Variants in DMC1 observed in about 807,000 individuals in gnomAD.
DMC1 encodes meiotic recombination protein DMC1 homolog.
DMC1 carries 27 observed loss-of-function variants against 50.1 expected under a neutral mutation model. The observed-to-expected ratio is 0.54, with a 90% CI of 0.40 to 0.74. The LOEUF (loss-of-function observed/expected upper bound fraction) is 0.74. Ranked by LOEUF, DMC1 falls within the 30% of genes least tolerant of loss-of-function variation. The probability of loss-of-function intolerance (pLI) is 0.00; values close to 1 mark genes in which losing one functional copy is unlikely to be tolerated. For synonymous variants in DMC1, 148 were observed against 136.1 expected (o/e 1.09, Z -0.61); for missense variants, 295 against 420.2 (o/e 0.70, Z 2.60).
At chr22:38,546,337 C>T (rs1426124794) in intron 8 of DMC1, among the ~76,000 whole-genome samples, 1 of 151,930 alleles carries the variant, frequency 6.6e-6, no homozygotes, top group Non-Finnish European at 1.5e-5. Context: ...TGTAGTGAGC[C>T]GAGATCGCAC....
intron 11 of DMC1, 136 bp downstream of exon 11, chr22:38,538,159 A>AC: frequency 5.4e-6 from 4 of 744,282 alleles, no homozygotes; most frequent in South Asian, 1.7e-5. Context: ...ACAAAAAAAA[A>AC]ACAAAGAGTT....
chr22:38,522,484 C>G (rs2090040136), intron 12 of DMC1, among the ~76,000 whole-genome samples: 1 of 152,022 alleles, frequency 6.6e-6, no homozygotes, highest in African/African-American at 2.4e-5. Context: ...ATTGTTTGAA[C>G]CCAAGAGGTG....
chr22:38,561,085 C>T (rs529609470), intron 5 of DMC1, among the ~76,000 whole-genome samples: 15 of 152,146 alleles, frequency 9.9e-5, no homozygotes, highest in African/African-American at 3.6e-4. Context: ...AGAGCCTCAA[C>T]CTCAACCTCC....
intron 12 of DMC1, among the ~76,000 whole-genome samples, chr22:38,524,167 G>A (rs1289450544): frequency 6.6e-6 from 1 of 152,186 alleles, no homozygotes; most frequent in Admixed American, 6.5e-5. Context: ...TGTAATCCCA[G>A]CACTTTGGGA....
intron 4 of DMC1, among the ~76,000 whole-genome samples, chr22:38,562,828 T>G (rs1442637341): frequency 1.3e-5 from 2 of 151,628 alleles, no homozygotes; most frequent in African/African-American, 4.9e-5. Flanking sequence ...TACACACATA[T>G]ATACATATAC....
At chr22:38,568,450 CTT>C in intron 1 of DMC1, 161 bp from the exon 2 acceptor site, 1 of 623,986 alleles carries the variant, frequency 1.6e-6, no homozygotes, top group East Asian at 2.8e-5. Context: ...GACATTATTT[CTT>C]GTGTGTGTGT....
At chr22:38,558,539 ACT>A (rs2090492478) in intron 5 of DMC1, among the ~76,000 whole-genome samples, 1 of 151,880 alleles carries the variant, frequency 6.6e-6, no homozygotes, top group East Asian at 1.9e-4. Context: ...ACATGGTGAA[ACT>A]CTGTCTCTAC....
chr22:38,528,063 A>AT (rs913046899), intron 12 of DMC1, among the ~76,000 whole-genome samples: 4,196 of 139,842 alleles, frequency 0.03, 70 homozygotes, highest in Middle Eastern at 0.056. Flanking sequence ...TATATATTGA[A>AT]TTTTTTTTTT....
At chr22:38,542,495 AAAG>A (rs1216437872) in intron 8 of DMC1, among the ~76,000 whole-genome samples, 1 of 152,208 alleles carries the variant, frequency 6.6e-6, no homozygotes, top group African/African-American at 2.4e-5. Context: ...TAACTTAACC[AAAG>A]AAGTGAAGGA....
intron 8 of DMC1, among the ~76,000 whole-genome samples, chr22:38,548,975 C>T (rs1225057940): frequency 7.9e-5 from 12 of 152,172 alleles, no homozygotes; most frequent in Non-Finnish European, 1.6e-4. Flanking sequence ...AAAACCTGAG[C>T]GGTTTCTCAA....
chr22:38,536,365 T>C (rs552522856), intron 12 of DMC1, among the ~76,000 whole-genome samples: 6 of 152,306 alleles, frequency 3.9e-5, no homozygotes, highest in Non-Finnish European at 5.9e-5. Flanking sequence ...TTCAGACACA[T>C]AATGCTCAAA....
chr22:38,520,352 T>C (rs932312736), intron 13 of DMC1, among the ~76,000 whole-genome samples: 1 of 151,984 alleles, frequency 6.6e-6, no homozygotes, highest in African/African-American at 2.4e-5. Flanking sequence ...AACTGGATGT[T>C]CTTTCATTTA....
chr22:38,528,239 C>G (rs2090116189), intron 12 of DMC1, among the ~76,000 whole-genome samples: 1 of 151,246 alleles, frequency 6.6e-6, no homozygotes, highest in African/African-American at 2.4e-5. Flanking sequence ...TTCTTTTGTA[C>G]TTTTAGGAGA....
At chr22:38,551,219 A>C (rs1017960660) in intron 7 of DMC1, among the ~76,000 whole-genome samples, 6 of 151,892 alleles carry the variant, frequency 4.0e-5, no homozygotes, top group African/African-American at 1.4e-4. Flanking sequence ...CTGCACTCTA[A>C]CCTGGGTGAC....
intron 8 of DMC1, chr22:38,546,265 CTG>C (rs1178965395): frequency 7.0e-6 from 1 of 142,600 alleles, no homozygotes; most frequent in African/African-American, 2.8e-5. Context: ...TGGCATGCAC[CTG>C]TAATCGCAGC....
At chr22:38,556,515 A>G (rs1417019137) in intron 5 of DMC1, among the ~76,000 whole-genome samples, 3 of 152,250 alleles carry the variant, frequency 2.0e-5, no homozygotes, top group African/African-American at 7.2e-5. Context: ...AGAATAGTAA[A>G]TGTCAAAGAT....
intron 12 of DMC1, among the ~76,000 whole-genome samples, chr22:38,534,799 C>T (rs887591372): frequency 4.6e-5 from 7 of 150,722 alleles, no homozygotes; most frequent in African/African-American, 7.3e-5. Flanking sequence ...GTCGGGAGTT[C>T]GAGACCAGCC....
intron 12 of DMC1, among the ~76,000 whole-genome samples, chr22:38,531,740 C>T (rs548820547): frequency 1.3e-5 from 2 of 152,236 alleles, no homozygotes; most frequent in South Asian, 4.1e-4. Context: ...GATGATGTTT[C>T]AGAGTTGACT....
At chr22:38,511,616 A>G in the DMC1 span, among the ~76,000 whole-genome samples, 1 of 152,004 alleles carries the variant, frequency 6.6e-6, no homozygotes, top group African/African-American at 2.4e-5. Flanking sequence ...TGAGCGAGAG[A>G]GAGAAGACAG....
Sources: allele counts gnomAD v4.1 joint callset (sites outside exome capture counted in the v4.1 genomes callset), GRCh38; gene constraint gnomAD v4.1.1; transcripts MANE v1.5; gene names NCBI Gene and HGNC (gene_info 2026-07-23, HGNC 2026-07-21).